The following MTARC2 variants were observed in gnomAD, a reference collection of about 807,000 sequenced individuals.
The protein encoded by MTARC2 is MOCO sulphurase C-terminal domain containing 2.
MTARC2 carries 27 observed loss-of-function variants against 35.6 expected under a neutral mutation model. The ratio of observed to expected loss-of-function variants is 0.76; its 90% CI spans 0.56 to 1.04. The LOEUF is 1.04. Ranked by LOEUF, MTARC2 falls within the 50% of genes least tolerant of loss-of-function variation. The probability of loss-of-function intolerance (pLI) is 0.00; values close to 1 mark genes in which losing one functional copy is unlikely to be tolerated. For missense variants in MTARC2, 412 were observed against 432.5 expected, an observed-to-expected ratio of 0.95 and a Z score of 0.42; for synonymous variants, 158 against 167.1, an observed-to-expected ratio of 0.95 and a Z score of 0.42.
At chr1:220,755,244 G>C in intron 2 of MTARC2, 124 bp downstream of exon 2, 1 of 1,052,672 alleles carries the variant, frequency 9.5e-7, no homozygotes, top group Non-Finnish European at 1.3e-6. Flanking sequence ...AAACATTTAA[G>C]AGAAGTGCAG....
intron 7 of MTARC2, among the ~76,000 whole-genome samples, chr1:220,782,925 G>A (rs1359675674): frequency 6.6e-6 from 1 of 152,222 alleles, no homozygotes; most frequent in Non-Finnish European, 1.5e-5. Context: ...AAGTTGCGCT[G>A]CAACACAAAT....
chr1:220,770,437 G>T (rs1671711586), intron 4 of MTARC2: 2 of 985,322 alleles, frequency 2.0e-6, no homozygotes, highest in Non-Finnish European at 2.4e-6. Context: ...CCTCGAGTGA[G>T]TGTGATACGT....
At chr1:220,770,810 C>T (rs1045912642) in intron 4 of MTARC2, among the ~76,000 whole-genome samples, 4 of 152,326 alleles carry the variant, frequency 2.6e-5, no homozygotes, top group Admixed American at 6.5e-5. Context: ...TTCTCGTGGC[C>T]GTAACCTCCC....
intron 4 of MTARC2, among the ~76,000 whole-genome samples, chr1:220,776,789 T>C (rs1671929041): frequency 6.6e-6 from 1 of 152,216 alleles, no homozygotes; most frequent in African/African-American, 2.4e-5. Flanking sequence ...TTAAATTCTT[T>C]AGCTCTCACA....
chr1:220,781,985 T>C lies in MTARC2; in HGVS notation c.*31+53T>C, dbSNP rs970596789. 5 of 1,440,780 alleles carry C rather than the reference T, an allele frequency of 3.5e-6. No homozygotes were observed. The South Asian group carries it at 5.7e-5, about 17-fold the overall frequency. The allele number at this position is 1,440,780 out of a possible 1,614,324, so 89.2% of individuals were successfully genotyped here. Reference sequence around the variant, plus strand: ...CGCTGTCTTGAAGCCATTGCTGCATTTTCTTGTGTTAATTTTTTTTATGTT... The same window carrying C: ...CGCTGTCTTGAAGCCATTGCTGCATCTTCTTGTGTTAATTTTTTTTATGTT... On this transcript the variant is annotated intron_variant, in intron 7 of 7. Transcript: ENST00000366913.
At chr1:220,779,047 T>C (rs1450519097) in intron 4 of MTARC2, among the ~76,000 whole-genome samples, 2 of 152,218 alleles carry the variant, frequency 1.3e-5, no homozygotes, top group East Asian at 3.8e-4. Flanking sequence ...TAAATAAATA[T>C]GTATGCATTT....
chr1:220,763,721 G>A (rs953717550), intron 4 of MTARC2, among the ~76,000 whole-genome samples: 40 of 152,320 alleles, frequency 2.6e-4, no homozygotes, highest in African/African-American at 9.1e-4. Context: ...TAAACTTTCC[G>A]AGCAGTGGAA....
intron 2 of MTARC2, among the ~76,000 whole-genome samples, chr1:220,758,018 T>G (rs2102547627): frequency 6.6e-6 from 1 of 152,350 alleles, no homozygotes; most frequent in East Asian, 1.9e-4. Flanking sequence ...GGAGTCTCGC[T>G]CTGTCACCCG....
chr1:220,748,930 T>C, intron 1 of MTARC2, 127 bp downstream of exon 1: 1 of 1,244,406 alleles, frequency 8.0e-7, no homozygotes, highest in Non-Finnish European at 1.0e-6. Flanking sequence ...GGGCTGACTG[T>C]TGGGCCGTTG....
rs373596751 is a variant in MTARC2 at position 220,782,958 on chromosome 1, T to C, written c.*32-961T>C. Among the ~76,000 whole-genome samples the C allele has an allele frequency of 5.9e-5, 9 of 152,362 alleles. No homozygotes were observed. In the East Asian group the frequency reaches 1.2e-3, roughly 20 times the overall value. On this transcript the variant is annotated intron_variant, in intron 7 of 7. Transcript: ENST00000366913. ...AATAAAGTGCTCAGTAAATATCAGT[T>C]ATGTTTTTTATTGCCATCATTCCAT...
At chr1:220,767,563 T>C (rs2102557487) in intron 4 of MTARC2, among the ~76,000 whole-genome samples, 1 of 152,232 alleles carries the variant, frequency 6.6e-6, no homozygotes, top group East Asian at 1.9e-4. Context: ...TTAGAAATAA[T>C]GAAATTGACC....
At chr1:220,766,730 T>C (rs1671587417) in intron 4 of MTARC2, among the ~76,000 whole-genome samples, 1 of 152,016 alleles carries the variant, frequency 6.6e-6, no homozygotes, top group Non-Finnish European at 1.5e-5. Flanking sequence ...TAATTTTTGC[T>C]CTCCTATAAC....
At chr1:220,752,297 T>C (rs1173331331) in intron 1 of MTARC2, among the ~76,000 whole-genome samples, 1 of 152,154 alleles carries the variant, frequency 6.6e-6, no homozygotes, top group African/African-American at 2.4e-5. Context: ...TCTGGTTGTG[T>C]GCAGATCTCA....
chr1:220,768,284 A>G (rs1671640674), intron 4 of MTARC2, among the ~76,000 whole-genome samples: 1 of 152,234 alleles, frequency 6.6e-6, no homozygotes. Context: ...CTATATGTAG[A>G]AGGGTTAAGA....
chr1:220,751,395 C>T (rs1472050227), intron 1 of MTARC2, among the ~76,000 whole-genome samples: 1 of 152,196 alleles, frequency 6.6e-6, no homozygotes, highest in African/African-American at 2.4e-5. Context: ...AATCTCTGCT[C>T]TCCTTAGCAG....
rs365693 is a variant in MTARC2 at position 220,752,552 on chromosome 1, A to C, written c.273-2395A>C. 3.1e-3 allele frequency among the ~76,000 whole-genome samples: 470 copies of C among 152,160 alleles called. 3 individuals are homozygous for C. Among genetic ancestry groups the C allele is most frequent in the African/African-American group, 0.011 (442 of 41,494 alleles). On this transcript the variant is annotated intron_variant, in intron 1 of 7. Transcript: ENST00000366913. ...AGCCAGAGAACTGTGGGATCTAAAG[A>C]CATCTTTGACCAGGCAGGATGGCTC...
chr1:220,779,050 A>T (rs1004907677), intron 4 of MTARC2, among the ~76,000 whole-genome samples: 1 of 152,188 alleles, frequency 6.6e-6, no homozygotes, highest in Non-Finnish European at 1.5e-5. Context: ...ATAAATATGT[A>T]TGCATTTCTC....
Position 220,748,438 on chromosome 1 carries a change from C to T in MTARC2, c.-94C>T. 1 of 1,254,976 alleles carries T rather than the reference C, an allele frequency of 8.0e-7. No individual in the cohort carries two copies. Among genetic ancestry groups the T allele is most frequent in the Non-Finnish European group, 1.0e-6 (1 of 989,890 alleles). 77.7% of individuals were successfully genotyped at this position (1,254,976 alleles called of 1,614,324 possible). A position where few individuals can be genotyped will look rare whatever the true frequency, so the allele number is the denominator to read the frequency against. ...CGTAGTTGGGTCAACTTTGACTCCTCTCGCCTGCCCGGATCCTTAAGGGCC... is the reference window on the plus strand; with the variant it reads ...CGTAGTTGGGTCAACTTTGACTCCTTTCGCCTGCCCGGATCCTTAAGGGCC... On this transcript the variant is annotated 5_prime_UTR_variant, in exon 1 of 8. Transcript: ENST00000366913.
intron 4 of MTARC2, among the ~76,000 whole-genome samples, chr1:220,773,090 C>G (rs1671789319): frequency 6.6e-6 from 1 of 152,112 alleles, no homozygotes; most frequent in East Asian, 1.9e-4. Context: ...CCCTAGACAG[C>G]TTTGGTATGT....
Sources: gnomAD v4.1 joint callset for allele counts (sites outside exome capture counted in the v4.1 genomes callset) on GRCh38, gnomAD v4.1.1 for gene constraint, MANE v1.5 for transcripts, NCBI Gene and HGNC (gene_info 2026-07-23, HGNC 2026-07-21) for gene names.